The following AAAS variants were observed in gnomAD, a reference collection of about 807,000 sequenced individuals.
AAAS encodes the protein aladin.
In AAAS, 60 loss-of-function variants were observed where a neutral mutation model predicts 75.6. That is an observed-to-expected ratio of 0.79 (90% CI 0.64 to 0.98). The LOEUF is 0.98. Among genes scored for constraint, AAAS ranks in the 50% least tolerant of loss-of-function variants. The probability of loss-of-function intolerance (pLI) is 0.00; values close to 1 mark genes in which losing one functional copy is unlikely to be tolerated. For missense variants in AAAS, 658 were observed against 686.9 expected (o/e 0.96, Z 0.47); for synonymous variants, 271 against 265.0 (o/e 1.02, Z -0.22).
At position 53,308,724 on chromosome 12, in the gene AAAS, C is replaced by T. The variant is rs1035139364; in HGVS notation, c.1087+1G>A. ...AATACTGAAGTGTTGCCCTAACTCA[C>T]CACAACGTTCTGGAAAAGACAGGGA... is the stretch of plus-strand genomic sequence containing the variant. On this transcript the variant is annotated splice_donor_variant, in intron 11 of 15. Coordinates refer to ENST00000209873, the MANE Select transcript of AAAS (RefSeq NM_015665.6). LOFTEE classifies it high-confidence loss of function. 3 of 1,614,042 alleles carry T rather than the reference C, an allele frequency of 1.9e-6. No homozygotes were observed. The highest frequency in any genetic ancestry group is 1.7e-5 in the Admixed American group (1 of 60,006).
intron 7 of AAAS, among the ~76,000 whole-genome samples, chr12:53,310,585 A>C (rs1592514558): frequency 6.6e-6 from 1 of 150,930 alleles, no homozygotes; most frequent in Non-Finnish European, 1.5e-5. Flanking sequence ...AAGATGCAGC[A>C]TGTGGCTCGG....
At chr12:53,319,252 A>G (rs993846517) in intron 2 of AAAS, among the ~76,000 whole-genome samples, 1 of 151,908 alleles carries the variant, frequency 6.6e-6, no homozygotes, top group African/African-American at 2.4e-5. Context: ...CACTGGCACA[A>G]TCTTGGCTCA....
Position 53,321,593 on chromosome 12 carries a change from G to A in AAAS, c.-128C>T. 3.3e-6 allele frequency: 5 copies of A among 1,520,434 alleles called. No individual in the cohort carries two copies. The highest frequency in any genetic ancestry group is 2.3e-5 in the East Asian group (1 of 44,324). 94.2% of individuals were successfully genotyped at this position (1,520,434 alleles called of 1,614,324 possible). A position where few individuals can be genotyped will look rare whatever the true frequency, so the allele number is the denominator to read the frequency against. ...GGTACCGCAAGGGACAAACGGCGAG[G>A]CGGAACTCAACGGAAGTGAAGAAAA... On this transcript the variant is annotated 5_prime_UTR_variant, in exon 1 of 16. Transcript: ENST00000209873.
chr12:53,314,605 G>C, intron 6 of AAAS, 146 bp downstream of exon 6: 1 of 1,309,362 alleles, frequency 7.6e-7, no homozygotes, highest in Admixed American at 2.0e-5. Flanking sequence ...GAAGAAGCAC[G>C]CATCCAGTTA....
In AAAS at chr12:53,314,770, G is replaced by C; in HGVS notation, c.526C>G (p.Arg176Gly). The change falls in exon 6 of 16, where the codon CGT becomes GGT. Residue 176 changes from arginine to glycine, a missense_variant. Coordinates refer to ENST00000209873, the MANE Select transcript of AAAS (RefSeq NM_015665.6). Reference sequence around the variant, plus strand: ...ACACACCTGCTGGCATTATACACACGGACTGAGTCATCTAGCAGGGCCACT... The same window carrying C: ...ACACACCTGCTGGCATTATACACACCGACTGAGTCATCTAGCAGGGCCACT... Reference protein sequence around the residue: ...FAVALLDDSVRVYNASSTIVP... With the variant: ...FAVALLDDSVGVYNASSTIVP... 3 of 1,613,698 alleles carry C rather than the reference G, an allele frequency of 1.9e-6. No homozygotes were observed. Among genetic ancestry groups the C allele is most frequent in the Non-Finnish European group, 2.5e-6 (3 of 1,179,948 alleles).
chr12:53,317,567 AAC>A (rs1285347466), intron 2 of AAAS, among the ~76,000 whole-genome samples: 1 of 151,212 alleles, frequency 6.6e-6, no homozygotes, highest in Non-Finnish European at 1.5e-5. Flanking sequence ...AAAAAAAAAA[AAC>A]CAAAAAAATA....
chr12:53,315,046 G>A, intron 5 of AAAS, 48 bp downstream of exon 5: 1 of 1,606,636 alleles, frequency 6.2e-7, no homozygotes, highest in South Asian at 1.1e-5. Flanking sequence ...AGGGAGTTTT[G>A]AGGTTCAGGA....
At chr12:53,309,067 A>T (rs1944344095) in intron 9 of AAAS, 47 bp from the exon 10 acceptor site, 1 of 1,614,068 alleles carries the variant, frequency 6.2e-7, no homozygotes, top group African/African-American at 1.3e-5. Context: ...CTAAGTTCTA[A>T]AAGTTGGACC....
At chr12:53,312,862 ATT>A (rs34960645) in intron 7 of AAAS, among the ~76,000 whole-genome samples, 30 of 135,184 alleles carry the variant, frequency 2.2e-4, no homozygotes, top group African/African-American at 2.8e-4. Context: ...ATATATATAT[ATT>A]TTTTTTTTTT....
At chr12:53,320,245 T>C (rs909909304) in intron 2 of AAAS, among the ~76,000 whole-genome samples, 1 of 152,112 alleles carries the variant, frequency 6.6e-6, no homozygotes, top group African/African-American at 2.4e-5. Context: ...AGGTAAAAGC[T>C]CAGAAGTGGT....
In AAAS at chr12:53,309,150, C is replaced by T; in HGVS notation, c.935+7G>A. 1.2e-6 allele frequency: 2 copies of T among 1,614,204 alleles called. No individual in the cohort carries two copies. Among genetic ancestry groups the T allele is most frequent in the African/African-American group, 2.7e-5 (2 of 75,050 alleles). Reference sequence around the variant, plus strand: ...CCTTGCCCTCCCTCCATCCTTGTCCCACTCACCGAAAGACAGCTGAAGGAG... The same window carrying T: ...CCTTGCCCTCCCTCCATCCTTGTCCTACTCACCGAAAGACAGCTGAAGGAG... On this transcript the variant is annotated splice_region_variant and intron_variant, in intron 9 of 15. Coordinates refer to ENST00000209873, the MANE Select transcript of AAAS (RefSeq NM_015665.6).
intron 2 of AAAS, among the ~76,000 whole-genome samples, chr12:53,319,764 T>A (rs1415742977): frequency 1.1e-4 from 14 of 126,182 alleles, no homozygotes; most frequent in African/African-American, 4.4e-4. Context: ...AGATCGCACC[T>A]CTGCACTCCA....
chr12:53,315,781 G>A lies in AAAS; in HGVS notation c.253C>T (p.Arg85Cys), dbSNP rs373066215. 7.1e-5 allele frequency: 114 copies of A among 1,613,656 alleles called. No homozygotes were observed. The East Asian group carries it at 7.1e-4, about 10-fold the overall frequency. Residue 85 changes from arginine (R) to cysteine (C), a missense_variant and splice_region_variant, in exon 3 of 16, where the codon CGT becomes TGT. Coordinates refer to ENST00000209873, the MANE Select transcript of AAAS (RefSeq NM_015665.6). ...QVWKRCINIW[R>C]DVGLFGVLNE... ...AGCACCCCAAAAAGGCCCACATCACGCCTGATAAGGGAGGAAAATGTGGGT... is the reference window on the plus strand; with the variant it reads ...AGCACCCCAAAAAGGCCCACATCACACCTGATAAGGGAGGAAAATGTGGGT...
chr12:53,320,491 C>T (rs1212952687), intron 2 of AAAS, 74 bp downstream of exon 2: 1 of 1,604,564 alleles, frequency 6.2e-7, no homozygotes, highest in African/African-American at 1.3e-5. Flanking sequence ...AAGAACACCC[C>T]AAGGTAAAGG....
intron 7 of AAAS, among the ~76,000 whole-genome samples, chr12:53,313,240 T>C (rs1944417562): frequency 6.9e-6 from 1 of 144,250 alleles, no homozygotes; most frequent in South Asian, 2.3e-4. Flanking sequence ...GTCAACTCAC[T>C]GCAACCTCCG....
intron 3 of AAAS, 63 bp from the exon 4 acceptor site, chr12:53,315,489 A>G: frequency 6.8e-7 from 1 of 1,477,032 alleles, no homozygotes; most frequent in Non-Finnish European, 9.3e-7. Context: ...GGTACCTTCT[A>G]GGTGAAAGAC....
chr12:53,309,071 T>C, intron 9 of AAAS, 51 bp from the exon 10 acceptor site: 1 of 1,614,174 alleles, frequency 6.2e-7, no homozygotes, highest in South Asian at 1.1e-5. Flanking sequence ...GTTCTAAAAG[T>C]TGGACCTACC....
At chr12:53,313,153 G>A (rs1944415923) in intron 7 of AAAS, among the ~76,000 whole-genome samples, 2 of 120,194 alleles carry the variant, frequency 1.7e-5, no homozygotes, top group African/African-American at 6.1e-5. Flanking sequence ...ACCGCGCCTG[G>A]CCTTTTTTTT....
intron 2 of AAAS, 140 bp from the exon 3 acceptor site, chr12:53,315,922 C>T (rs1374807517): frequency 1.1e-5 from 10 of 920,152 alleles, no homozygotes; most frequent in African/African-American, 1.7e-5. Context: ...AGGCACTCTA[C>T]GGGCTGTCCT....
Sources: allele counts gnomAD v4.1 joint callset (sites outside exome capture counted in the v4.1 genomes callset), GRCh38; gene constraint gnomAD v4.1.1; transcripts MANE v1.5; gene names NCBI Gene and HGNC (gene_info 2026-07-23, HGNC 2026-07-21).